The following KHDRBS2 variants were observed in gnomAD, a reference collection of about 807,000 sequenced individuals.
KHDRBS2 encodes KH domain-containing, RNA-binding, signal transduction-associated protein 2.
A neutral mutation model predicts 44.3 loss-of-function variants in KHDRBS2; 26 were observed. The observed-to-expected ratio is 0.59, with a 90% CI of 0.43 to 0.81. The LOEUF (loss-of-function observed/expected upper bound fraction) is 0.81. Ranked by LOEUF, KHDRBS2 falls within the 40% of genes least tolerant of loss-of-function variation. The probability of loss-of-function intolerance (pLI) is 0.00; values close to 1 mark genes in which losing one functional copy is unlikely to be tolerated. For synonymous variants in KHDRBS2, 194 were observed against 151.1 expected (o/e 1.28, Z -2.08); for missense variants, 476 against 433.1 (o/e 1.10, Z -0.88).
At chr6:61,769,187 C>G in intron 6 of KHDRBS2, among the ~76,000 whole-genome samples, 1 of 152,034 alleles carries the variant, frequency 6.6e-6, no homozygotes, top group Non-Finnish European at 1.5e-5. Flanking sequence ...AGGGAGGAGC[C>G]AAGATGGCCA....
intron 1 of KHDRBS2, among the ~76,000 whole-genome samples, chr6:62,249,602 T>C (rs1836182179): frequency 6.6e-6 from 1 of 151,978 alleles, no homozygotes; most frequent in Admixed American, 6.6e-5. Flanking sequence ...ATATATAAAA[T>C]ACAACAAAAA....
In KHDRBS2 at chr6:61,955,684, G is replaced by A. The variant is rs1490340850; in HGVS notation, c.483+22382C>T. On this transcript the variant is annotated intron_variant, in intron 4 of 8. Coordinates refer to ENST00000281156, the MANE Select transcript of KHDRBS2 (RefSeq NM_152688.4). ...TATGTGTATATGTACACATATGTAT[G>A]TATACATATATGTGTATATATACAC... 5.7e-5 allele frequency among the ~76,000 whole-genome samples: 7 copies of A among 123,730 alleles called. No homozygotes were observed. The South Asian group carries it at 9.4e-4, about 17-fold the overall frequency. The allele number at this position is 123,730 out of a possible 152,430, so 81.2% of individuals were successfully genotyped here. A position where few individuals can be genotyped will look rare whatever the true frequency, so the allele number is the denominator to read the frequency against.
chr6:62,236,865 CTT>C (rs1009323471), intron 1 of KHDRBS2, among the ~76,000 whole-genome samples: 7 of 152,072 alleles, frequency 4.6e-5, no homozygotes, highest in African/African-American at 1.7e-4. Context: ...TAAAAAATAA[CTT>C]ATTGGTAAAT....
chr6:61,585,667 A>G, the KHDRBS2 span, among the ~76,000 whole-genome samples: 1 of 152,006 alleles, frequency 6.6e-6, no homozygotes, highest in African/African-American at 2.4e-5. Context: ...TTATGGTAAA[A>G]TTTTTTATTT....
intron 2 of KHDRBS2, among the ~76,000 whole-genome samples, chr6:62,100,433 T>C (rs183850892): frequency 6.6e-6 from 1 of 152,350 alleles, no homozygotes. Context: ...CTTCCTCCAA[T>C]TTCAAAAGAA....
chr6:61,664,115 C>G, the KHDRBS2 span, among the ~76,000 whole-genome samples: 28 of 151,836 alleles, frequency 1.8e-4, no homozygotes, highest in African/African-American at 6.5e-4. Flanking sequence ...GTTTTCTGAA[C>G]TTGTAACACC....
chr6:62,122,842 T>C (rs1808008581), intron 2 of KHDRBS2, among the ~76,000 whole-genome samples: 1 of 143,352 alleles, frequency 7.0e-6, no homozygotes, highest in South Asian at 2.2e-4. Context: ...AAACTGTAAT[T>C]TTCTTTTAAA....
the KHDRBS2 span, among the ~76,000 whole-genome samples, chr6:61,592,218 A>G: frequency 9.9e-5 from 15 of 150,862 alleles, no homozygotes; most frequent in African/African-American, 3.7e-4. Flanking sequence ...AAAAGAGGAA[A>G]GAGAAGAAAA....
chr6:61,607,311 G>A, the KHDRBS2 span, among the ~76,000 whole-genome samples: 4 of 151,090 alleles, frequency 2.6e-5, no homozygotes, highest in South Asian at 6.3e-4. Context: ...TACATAACAT[G>A]CTAATACTGC....
intron 4 of KHDRBS2, among the ~76,000 whole-genome samples, chr6:61,953,386 T>A (rs1765178580): frequency 6.6e-6 from 1 of 152,078 alleles, no homozygotes; most frequent in Non-Finnish European, 1.5e-5. Context: ...AGGATTGGAA[T>A]GGCCAGCATT....
Position 61,738,924 on chromosome 6 carries a change from A to C in KHDRBS2, c.811-6160T>G, listed in dbSNP as rs969575418. 2.0e-5 allele frequency among the ~76,000 whole-genome samples: 3 copies of C among 151,920 alleles called. No homozygotes were observed. In the South Asian group the frequency reaches 6.2e-4, roughly 31 times the overall value. ...GAATTACCTATTATCCAGGCATTAA[A>C]CATAAGAGAAGATTCAGACATAAGT... On this transcript the variant is annotated intron_variant, in intron 6 of 8. Coordinates refer to ENST00000281156, the MANE Select transcript of KHDRBS2 (RefSeq NM_152688.4).
At chr6:61,794,469 A>G (rs996281380) in intron 6 of KHDRBS2, among the ~76,000 whole-genome samples, 1 of 152,172 alleles carries the variant, frequency 6.6e-6, no homozygotes, top group Non-Finnish European at 1.5e-5. Flanking sequence ...TGTACGTTTT[A>G]GTGGTGGACA....
At chr6:61,929,018 A>G (rs1490140842) in intron 4 of KHDRBS2, among the ~76,000 whole-genome samples, 1 of 152,154 alleles carries the variant, frequency 6.6e-6, no homozygotes, top group Non-Finnish European at 1.5e-5. Flanking sequence ...TAACAGTTAC[A>G]TAAAAATTAC....
At chr6:61,775,321 G>T (rs1265379967) in intron 6 of KHDRBS2, among the ~76,000 whole-genome samples, 7 of 151,992 alleles carry the variant, frequency 4.6e-5, no homozygotes, top group African/African-American at 1.7e-4. Flanking sequence ...GAAATAAAGG[G>T]TATTCAATTA....
intron 2 of KHDRBS2, among the ~76,000 whole-genome samples, chr6:62,155,005 T>C (rs1233654984): frequency 2.0e-5 from 3 of 152,166 alleles, no homozygotes; most frequent in East Asian, 1.9e-4. Flanking sequence ...CTAAGACTTT[T>C]GTGAAAAATA....
intron 1 of KHDRBS2, among the ~76,000 whole-genome samples, chr6:62,211,435 G>C (rs1829025391): frequency 6.6e-6 from 1 of 152,014 alleles, no homozygotes; most frequent in Non-Finnish European, 1.5e-5. Flanking sequence ...ATGATTTCTG[G>C]TTGATAAGAG....
At chr6:61,603,821 A>T in the KHDRBS2 span, among the ~76,000 whole-genome samples, 1 of 152,094 alleles carries the variant, frequency 6.6e-6, no homozygotes, top group African/African-American at 2.4e-5. Context: ...ACATTATTCC[A>T]GATACCACAC....
the KHDRBS2 span, among the ~76,000 whole-genome samples, chr6:61,582,903 T>A: frequency 3.3e-5 from 5 of 151,978 alleles, no homozygotes; most frequent in Admixed American, 1.3e-4. Context: ...AATCTTTTCA[T>A]AATGAAAATT....
intron 3 of KHDRBS2, among the ~76,000 whole-genome samples, chr6:62,020,758 C>A (rs1226478427): frequency 3.3e-5 from 5 of 152,002 alleles, no homozygotes; most frequent in Non-Finnish European, 7.4e-5. Context: ...GTCACCCCAG[C>A]TTCCTGTTGA....
Sources: gnomAD v4.1 joint callset for allele counts (sites outside exome capture counted in the v4.1 genomes callset) on GRCh38, gnomAD v4.1.1 for gene constraint, MANE v1.5 for transcripts, NCBI Gene and HGNC (gene_info 2026-07-23, HGNC 2026-07-21) for gene names.